ARHGAP26: variants seen among roughly 807,000 people sequenced by gnomAD.
ARHGAP26 encodes the protein Rho GTPase activating protein 26.
A neutral mutation model predicts 104.8 loss-of-function variants in ARHGAP26; 38 were observed. The ratio of observed to expected loss-of-function variants is 0.36; its 90% confidence interval spans 0.28 to 0.48. The LOEUF (loss-of-function observed/expected upper bound fraction) is 0.48. Ranked by LOEUF, ARHGAP26 falls within the 20% of genes least tolerant of loss-of-function variation. ARHGAP26 has a pLI of 0.99. For synonymous variants in ARHGAP26, 341 were observed against 340.0 expected, an observed-to-expected ratio of 1.00 and a Z score of -0.03; for missense variants, 704 against 947.9, an observed-to-expected ratio of 0.74 and a Z score of 3.38.
At chr5:143,197,058 A>G (rs1326486082) in intron 20 of ARHGAP26, among the ~76,000 whole-genome samples, 2 of 152,196 alleles carry the variant, frequency 1.3e-5, no homozygotes, top group African/African-American at 4.8e-5. Context: ...GCTGTAGTTC[A>G]TTTTCATTGC....
chr5:142,920,946 C>T (rs1250859168), intron 10 of ARHGAP26, among the ~76,000 whole-genome samples: 4 of 152,060 alleles, frequency 2.6e-5, no homozygotes, highest in Non-Finnish European at 5.9e-5. Flanking sequence ...TCATTCCCTC[C>T]CTCCTTCCTT....
chr5:142,916,488 A>G (rs1762507531), intron 10 of ARHGAP26, among the ~76,000 whole-genome samples: 2 of 152,370 alleles, frequency 1.3e-5, no homozygotes, highest in African/African-American at 4.8e-5. Context: ...CCATATTTTC[A>G]AGCTTTTTAG....
intron 11 of ARHGAP26, among the ~76,000 whole-genome samples, chr5:142,991,708 T>C (rs1265664860): frequency 6.6e-6 from 1 of 152,228 alleles, no homozygotes; most frequent in East Asian, 1.9e-4. Flanking sequence ...TATGGTAACA[T>C]GCTGTATAGG....
intron 19 of ARHGAP26, among the ~76,000 whole-genome samples, chr5:143,136,614 C>T (rs933385218): frequency 5.9e-5 from 9 of 152,184 alleles, no homozygotes; most frequent in Non-Finnish European, 1.0e-4. Flanking sequence ...GCATGGAAGG[C>T]ACCCTGTGGG....
intron 10 of ARHGAP26, among the ~76,000 whole-genome samples, chr5:142,930,163 G>T (rs2152528867): frequency 6.6e-6 from 1 of 152,316 alleles, no homozygotes; most frequent in East Asian, 1.9e-4. Context: ...CCGGGGACTT[G>T]AGAGTTCTGC....
Position 142,880,507 on chromosome 5 carries a change from ACTC to A in ARHGAP26, c.384+1064_384+1066del, listed in dbSNP as rs540193510. ...ACTGCAGCCTGGGCAACAGAGCAAG[ACTC>A]CATGTCCAAAAAAAAAAAAATCACT... On this transcript the variant is annotated intron_variant, in intron 4 of 22. Transcript: ENST00000645722. Among the ~76,000 whole-genome samples, 64 of 127,244 alleles carry A rather than the reference ACTC, an allele frequency of 5.0e-4. 1 individual carries two copies. The East Asian group carries it at 0.018, about 36-fold the overall frequency. 83.5% of individuals were successfully genotyped at this position (127,244 alleles called of 152,430 possible). A position where few individuals can be genotyped will look rare whatever the true frequency, so the allele number is the denominator to read the frequency against.
At chr5:142,894,099 A>G (rs1759125475) in intron 5 of ARHGAP26, 139 bp from the exon 6 acceptor site, 3 of 615,850 alleles carry the variant, frequency 4.9e-6, no homozygotes, top group Admixed American at 2.9e-5. Flanking sequence ...TAGTTACTAT[A>G]GTTATTCTTC....
chr5:142,960,878 C>A (rs967183869), intron 11 of ARHGAP26, among the ~76,000 whole-genome samples: 11 of 152,164 alleles, frequency 7.2e-5, no homozygotes, highest in Admixed American at 5.2e-4. Flanking sequence ...CTTCAGTGTT[C>A]TTCAGTTTTT....
intron 17 of ARHGAP26, among the ~76,000 whole-genome samples, chr5:143,111,605 G>A (rs1794776867): frequency 6.6e-6 from 1 of 152,172 alleles, no homozygotes; most frequent in Non-Finnish European, 1.5e-5. Context: ...TAAAAGACAG[G>A]CAGGAAATAA....
intron 19 of ARHGAP26, among the ~76,000 whole-genome samples, chr5:143,134,942 T>TCA (rs1467044393): frequency 6.6e-6 from 1 of 152,352 alleles, no homozygotes; most frequent in Non-Finnish European, 1.5e-5. Flanking sequence ...TACCGTTTAA[T>TCA]CACACACAGA....
intron 11 of ARHGAP26, among the ~76,000 whole-genome samples, chr5:142,958,606 A>G (rs712185): frequency 0.49 from 73,983 of 152,108 alleles, 22,299 homozygotes; most frequent in East Asian, 0.91. Flanking sequence ...GGTTGAGGCT[A>G]CAGTGAACTG....
chr5:142,917,370 G>A (rs1762623533), intron 10 of ARHGAP26, among the ~76,000 whole-genome samples: 1 of 152,156 alleles, frequency 6.6e-6, no homozygotes, highest in Non-Finnish European at 1.5e-5. Flanking sequence ...ACATTTTCCA[G>A]TGATGAGCTC....
rs1429632097 is a variant in ARHGAP26 at position 142,890,150 on chromosome 5, AAATATATATATATATATATATAT to A, written c.487-4086_487-4064del. Among the ~76,000 whole-genome samples, 30 of 70,960 alleles carry A rather than the reference AAATATATATATATATATATATAT, an allele frequency of 4.2e-4. 2 individuals are homozygous for A. The highest frequency in any genetic ancestry group is 8.5e-4 in the African/African-American group (13 of 15,268). The allele number at this position is 70,960 out of a possible 152,430, so 46.6% of individuals were successfully genotyped here. ...AAACTCCGTCTTAAAAAAAAAAAAA[AAATATATATATATATATATATAT>A]ATATATATATATATATATATATATG... On this transcript the variant is annotated intron_variant, in intron 5 of 22. Coordinates refer to ENST00000645722, the MANE Select transcript of ARHGAP26 (RefSeq NM_001135608.3).
intron 11 of ARHGAP26, among the ~76,000 whole-genome samples, chr5:142,948,301 G>A (rs1244088387): frequency 6.6e-6 from 1 of 152,014 alleles, no homozygotes; most frequent in Non-Finnish European, 1.5e-5. Flanking sequence ...TCTAGCACCA[G>A]CAGTAAAATT....
intron 1 of ARHGAP26, among the ~76,000 whole-genome samples, chr5:142,786,298 A>G (rs1290583485): frequency 1.3e-5 from 2 of 151,618 alleles, no homozygotes; most frequent in African/African-American, 4.8e-5. Flanking sequence ...CATTTTTTAA[A>G]AAGTTAATTT....
intron 20 of ARHGAP26, among the ~76,000 whole-genome samples, chr5:143,160,397 C>T (rs1425511263): frequency 6.6e-6 from 1 of 151,768 alleles, no homozygotes; most frequent in East Asian, 1.9e-4. Flanking sequence ...TTTGTGTTAC[C>T]TCAATAGCTA....
intron 12 of ARHGAP26, among the ~76,000 whole-genome samples, chr5:143,014,659 G>C (rs1779347969): frequency 6.6e-6 from 1 of 152,224 alleles, no homozygotes; most frequent in Non-Finnish European, 1.5e-5. Context: ...GGCAGCCTCT[G>C]TAGACTGTAG....
chr5:142,925,433 C>T (rs888602498), intron 10 of ARHGAP26, among the ~76,000 whole-genome samples: 10 of 152,184 alleles, frequency 6.6e-5, no homozygotes, highest in Non-Finnish European at 1.3e-4. Context: ...TACCGAGTCT[C>T]CGTAGACATT....
intron 12 of ARHGAP26, among the ~76,000 whole-genome samples, chr5:143,030,577 CTTTA>C (rs1781700051): frequency 1.3e-5 from 2 of 151,964 alleles, no homozygotes; most frequent in East Asian, 1.9e-4. Context: ...CTATTCATTT[CTTTA>C]TTTAACCTTT....
Sources: allele counts gnomAD v4.1 joint callset (sites outside exome capture counted in the v4.1 genomes callset), GRCh38; gene constraint gnomAD v4.1.1; transcripts MANE v1.5; gene names NCBI Gene and HGNC (gene_info 2026-07-23, HGNC 2026-07-21).